Variants in SLC9A9 observed in about 807,000 individuals in gnomAD.
The protein encoded by SLC9A9 is sodium/hydrogen exchanger 9.
SLC9A9 carries 62 observed loss-of-function variants against 77.8 expected under a neutral mutation model. The ratio of observed to expected loss-of-function variants is 0.80; its 90% CI spans 0.65 to 0.98. SLC9A9 has a LOEUF of 0.98. SLC9A9 is among the 50% of genes least tolerant of loss of function. The pLI is 0.00. For missense variants in SLC9A9, 775 were observed against 774.9 expected (o/e 1.00, Z 0.00); for synonymous variants, 320 against 283.5 (o/e 1.13, Z -1.29).
chr3:143,472,111 G>C (rs1390240062), intron 11 of SLC9A9, among the ~76,000 whole-genome samples: 1 of 152,158 alleles, frequency 6.6e-6, no homozygotes, highest in Non-Finnish European at 1.5e-5. Flanking sequence ...AAGGTGCAAA[G>C]CAATAAACTA....
intron 6 of SLC9A9, 85 bp from the exon 7 acceptor site, chr3:143,578,808 A>G (rs1204045556): frequency 2.0e-6 from 3 of 1,513,798 alleles, no homozygotes; most frequent in African/African-American, 1.4e-5. Flanking sequence ...GGGGAGAGGT[A>G]TCTTTCCCTG....
At chr3:143,758,088 G>C (rs145690666) in intron 4 of SLC9A9, among the ~76,000 whole-genome samples, 18 of 152,166 alleles carry the variant, frequency 1.2e-4, no homozygotes, top group African/African-American at 4.1e-4. Flanking sequence ...TTGTATCTTT[G>C]GCCTCTAAAT....
intron 2 of SLC9A9, among the ~76,000 whole-genome samples, chr3:143,802,390 C>T (rs941110848): frequency 8.5e-5 from 13 of 152,152 alleles, no homozygotes; most frequent in African/African-American, 2.9e-4. Flanking sequence ...TTCAGGCCCC[C>T]TCCCTTCCCT....
chr3:143,429,131 T>C (rs1441442314), intron 12 of SLC9A9, among the ~76,000 whole-genome samples: 2 of 152,252 alleles, frequency 1.3e-5, no homozygotes, highest in Non-Finnish European at 2.9e-5. Context: ...TATACATGCA[T>C]TGAAATATCA....
chr3:143,745,051 C>T (rs935716835), intron 4 of SLC9A9, among the ~76,000 whole-genome samples: 2 of 152,168 alleles, frequency 1.3e-5, no homozygotes, highest in African/African-American at 4.8e-5. Context: ...ACTTTGAATG[C>T]CAGAAGCTTT....
At chr3:143,640,571 T>C (rs1408915898) in intron 6 of SLC9A9, among the ~76,000 whole-genome samples, 1 of 151,884 alleles carries the variant, frequency 6.6e-6, no homozygotes, top group Admixed American at 6.6e-5. Context: ...CTCTCAAAAC[T>C]GGTTTTAGGC....
intron 9 of SLC9A9, among the ~76,000 whole-genome samples, chr3:143,506,862 C>G (rs565386363): frequency 6.6e-6 from 1 of 152,030 alleles, no homozygotes; most frequent in African/African-American, 2.4e-5. Flanking sequence ...AGAAAATTGC[C>G]TAGTTGAAAC....
intron 12 of SLC9A9, among the ~76,000 whole-genome samples, chr3:143,392,836 A>T (rs991911370): frequency 3.9e-5 from 6 of 152,226 alleles, no homozygotes; most frequent in African/African-American, 1.4e-4. Context: ...ACCAACAAAG[A>T]TCAAAAGAGA....
At chr3:143,514,763 G>A (rs1336818877) in intron 9 of SLC9A9, among the ~76,000 whole-genome samples, 4 of 152,192 alleles carry the variant, frequency 2.6e-5, no homozygotes, top group Non-Finnish European at 4.4e-5. Flanking sequence ...TCTGCATTAG[G>A]CTTTTGGCTT....
chr3:143,731,515 G>T (rs147174235), intron 4 of SLC9A9, among the ~76,000 whole-genome samples: 4 of 152,154 alleles, frequency 2.6e-5, no homozygotes, highest in African/African-American at 9.7e-5. Flanking sequence ...TCACCAGCAG[G>T]CTCAGCCTTC....
chr3:143,759,531 G>A (rs1456024799), intron 4 of SLC9A9, among the ~76,000 whole-genome samples: 2 of 152,106 alleles, frequency 1.3e-5, no homozygotes, highest in African/African-American at 4.8e-5. Context: ...AACAGCAATA[G>A]AAAGTGAGCC....
intron 6 of SLC9A9, among the ~76,000 whole-genome samples, chr3:143,615,086 T>A (rs1407085295): frequency 2.0e-5 from 3 of 152,130 alleles, no homozygotes; most frequent in Non-Finnish European, 4.4e-5. Context: ...CAGCAGCCCA[T>A]GAACAACATA....
chr3:143,395,116 A>G (rs977784819), intron 12 of SLC9A9, among the ~76,000 whole-genome samples: 2 of 152,198 alleles, frequency 1.3e-5, no homozygotes, highest in Non-Finnish European at 2.9e-5. Flanking sequence ...TTCATATGGA[A>G]CCAAAAAAGA....
intron 12 of SLC9A9, among the ~76,000 whole-genome samples, chr3:143,449,824 A>ATT (rs2034952982): frequency 3.6e-5 from 1 of 27,854 alleles, no homozygotes; most frequent in Non-Finnish European, 5.2e-5. Context: ...ATATATTTAC[A>ATT]TATATAATTA....
Position 143,785,917 on chromosome 3 carries a change from C to T in SLC9A9, c.533+9084G>A, listed in dbSNP as rs536202698. On this transcript the variant is annotated intron_variant, in intron 4 of 15. Coordinates refer to ENST00000316549, the MANE Select transcript of SLC9A9 (RefSeq NM_173653.4). ...TGTCGCCCAGGCTGGAGTGCAGTGG[C>T]GCGATCTCGACTCACTGCAAGCTCC... Among the ~76,000 whole-genome samples, 473 of 137,386 alleles carry T rather than the reference C, an allele frequency of 3.4e-3. 5 individuals are homozygous for T. The highest frequency in any genetic ancestry group is 0.014 in the Middle Eastern group (3 of 216). 90.1% of individuals were successfully genotyped at this position (137,386 alleles called of 152,430 possible). A position where few individuals can be genotyped will look rare whatever the true frequency, so the allele number is the denominator to read the frequency against.
chr3:143,498,829 C>T lies in SLC9A9; in HGVS notation c.1090-3381G>A, dbSNP rs114566910. 1.4e-3 allele frequency among the ~76,000 whole-genome samples: 218 copies of T among 152,226 alleles called. 1 individual carries two copies. The East Asian group carries it at 0.019, about 13-fold the overall frequency. On this transcript the variant is annotated intron_variant, in intron 9 of 15. Transcript: ENST00000316549. ...AATGGAATTGGACAATACATACCCTCGCATTTGTCATCTTTGACTCAGCAA... is the reference window on the plus strand; with the variant it reads ...AATGGAATTGGACAATACATACCCTTGCATTTGTCATCTTTGACTCAGCAA...
At chr3:143,752,615 C>T in intron 4 of SLC9A9, among the ~76,000 whole-genome samples, 1 of 150,930 alleles carries the variant, frequency 6.6e-6, no homozygotes, top group East Asian at 1.9e-4. Flanking sequence ...AAAGCCAGCA[C>T]AAGTCTGGCT....
intron 9 of SLC9A9, among the ~76,000 whole-genome samples, chr3:143,514,561 T>C (rs929760785): frequency 5.3e-5 from 8 of 152,244 alleles, no homozygotes; most frequent in Admixed American, 4.6e-4. Flanking sequence ...TAGCCACCTT[T>C]ATCAATTAGC....
chr3:143,426,902 A>G (rs1443093368), intron 12 of SLC9A9, among the ~76,000 whole-genome samples: 1 of 152,190 alleles, frequency 6.6e-6, no homozygotes, highest in Non-Finnish European at 1.5e-5. Context: ...AGGCTGAGTA[A>G]CTAGGCCATG....
Sources: gnomAD v4.1 joint callset for allele counts (sites outside exome capture counted in the v4.1 genomes callset) on GRCh38, gnomAD v4.1.1 for gene constraint, MANE v1.5 for transcripts, NCBI Gene and HGNC (gene_info 2026-07-23, HGNC 2026-07-21) for gene names.